The following ARHGAP15 variants were observed in gnomAD, a reference collection of about 807,000 sequenced individuals.
ARHGAP15 encodes the protein rho GTPase-activating protein 15.
A neutral mutation model predicts 63.7 loss-of-function variants in ARHGAP15; 51 were observed. The observed-to-expected ratio is 0.80, with a 90% CI of 0.64 to 1.01. The LOEUF is 1.01. Among genes scored for constraint, ARHGAP15 ranks in the 50% least tolerant of loss-of-function variants. The pLI is 0.00. For synonymous variants in ARHGAP15, 191 were observed against 193.8 expected (o/e 0.99, Z 0.12); for missense variants, 560 against 564.6 (o/e 0.99, Z 0.08).
intron 8 of ARHGAP15, chr2:143,472,104 G>A (rs1411071958): frequency 6.6e-6 from 1 of 152,034 alleles, no homozygotes; most frequent in Non-Finnish European, 1.5e-5. Flanking sequence ...ACAATTGTGT[G>A]TCCTAAGGCT....
At chr2:143,613,457 C>A (rs1183644029) in intron 11 of ARHGAP15, among the ~76,000 whole-genome samples, 1 of 152,136 alleles carries the variant, frequency 6.6e-6, no homozygotes, top group African/African-American at 2.4e-5. Flanking sequence ...CCAACATAAT[C>A]CAATTAACTG....
intron 6 of ARHGAP15, among the ~76,000 whole-genome samples, chr2:143,323,705 G>A (rs1416040856): frequency 1.3e-5 from 2 of 151,750 alleles, no homozygotes; most frequent in Non-Finnish European, 2.9e-5. Flanking sequence ...AGACCACGGT[G>A]AAACCCTGTC....
At chr2:143,476,559 C>T (rs1437964084) in intron 8 of ARHGAP15, among the ~76,000 whole-genome samples, 2 of 152,126 alleles carry the variant, frequency 1.3e-5, no homozygotes, top group East Asian at 1.9e-4. Context: ...AGAGCACTGA[C>T]CCAACATAAA....
rs575550723 is a variant in ARHGAP15 at position 143,666,827 on chromosome 2, C to T, written c.1139-36592C>T. Among the ~76,000 whole-genome samples the T allele has an allele frequency of 4.9e-3, 725 of 149,450 alleles. 33 individuals are homozygous for T. The highest frequency in any genetic ancestry group is 0.017 in the African/African-American group (678 of 39,048). On this transcript the variant is annotated intron_variant, in intron 12 of 13. Coordinates refer to ENST00000295095, the MANE Select transcript of ARHGAP15 (RefSeq NM_018460.4). ...AAAAAACACATGAAAAAATGCTCAT[C>T]ATCACTGGCCATCAGAGAAATGCAA...
chr2:143,470,519 TTTTG>T, intron 8 of ARHGAP15, among the ~76,000 whole-genome samples: 1 of 143,432 alleles, frequency 7.0e-6, no homozygotes, highest in East Asian at 2.1e-4. Context: ...CATAATATTC[TTTTG>T]TTTTATATAT....
chr2:143,758,678 A>C (rs1272941096), intron 13 of ARHGAP15, among the ~76,000 whole-genome samples: 1 of 152,164 alleles, frequency 6.6e-6, no homozygotes, highest in African/African-American at 2.4e-5. Flanking sequence ...AAAAAGAATA[A>C]TACCAAATTA....
intron 11 of ARHGAP15, among the ~76,000 whole-genome samples, chr2:143,586,922 C>G (rs1292952081): frequency 1.3e-5 from 2 of 151,816 alleles, no homozygotes; most frequent in Non-Finnish European, 2.9e-5. Flanking sequence ...TCTTTCTCTC[C>G]TCCTCCATCC....
At chr2:143,166,018 A>AG (rs1690508050) in intron 2 of ARHGAP15, among the ~76,000 whole-genome samples, 1 of 94,182 alleles carries the variant, frequency 1.1e-5, no homozygotes, top group African/African-American at 4.1e-5. Flanking sequence ...AGGAAGGAAA[A>AG]AAAGAAAGAA....
At chr2:143,422,094 C>A (rs1223143159) in intron 6 of ARHGAP15, among the ~76,000 whole-genome samples, 16 of 152,114 alleles carry the variant, frequency 1.1e-4, no homozygotes, top group Admixed American at 1.0e-3. Context: ...ATATAAGTCT[C>A]ATCTAATTAA....
intron 6 of ARHGAP15, among the ~76,000 whole-genome samples, chr2:143,318,831 A>G (rs564743946): frequency 1.4e-4 from 21 of 152,212 alleles, no homozygotes; most frequent in South Asian, 2.1e-4. Context: ...GACAACATTA[A>G]TGCTCAATAA....
chr2:143,194,504 T>G (rs192338595), intron 2 of ARHGAP15, among the ~76,000 whole-genome samples: 275 of 152,354 alleles, frequency 1.8e-3, no homozygotes, highest in South Asian at 8.9e-3. Flanking sequence ...ATGTCTATTT[T>G]GGCCCTGAGT....
At chr2:143,558,612 T>C (rs191764461) in intron 11 of ARHGAP15, among the ~76,000 whole-genome samples, 1 of 152,302 alleles carries the variant, frequency 6.6e-6, no homozygotes, top group East Asian at 1.9e-4. Flanking sequence ...CACAAATCTC[T>C]AAAAAGGTAG....
chr2:143,388,844 C>A (rs1687413925), intron 6 of ARHGAP15, among the ~76,000 whole-genome samples: 1 of 151,970 alleles, frequency 6.6e-6, no homozygotes, highest in Non-Finnish European at 1.5e-5. Flanking sequence ...TTTGTAAAAT[C>A]TTTTTAAAGG....
intron 13 of ARHGAP15, among the ~76,000 whole-genome samples, chr2:143,709,254 AG>A (rs1224602031): frequency 2.0e-5 from 3 of 152,192 alleles, no homozygotes; most frequent in East Asian, 1.9e-4. Flanking sequence ...CAAATTTGTG[AG>A]GGGGGTGTAA....
At chr2:143,163,525 A>T (rs894549546) in intron 2 of ARHGAP15, among the ~76,000 whole-genome samples, 8 of 151,968 alleles carry the variant, frequency 5.3e-5, no homozygotes, top group African/African-American at 1.9e-4. Flanking sequence ...ATATATATTT[A>T]CAAGCTGAAA....
chr2:143,211,943 T>A (rs1007199354), intron 3 of ARHGAP15, among the ~76,000 whole-genome samples: 1 of 152,140 alleles, frequency 6.6e-6, no homozygotes. Flanking sequence ...AGAGAAAACG[T>A]TATGAGGCAT....
At chr2:143,544,351 T>C (rs1574612545) in intron 10 of ARHGAP15, among the ~76,000 whole-genome samples, 1 of 152,192 alleles carries the variant, frequency 6.6e-6, no homozygotes, top group Non-Finnish European at 1.5e-5. Context: ...ATTTTTCAAG[T>C]GGATCTGTGG....
intron 12 of ARHGAP15, among the ~76,000 whole-genome samples, chr2:143,691,091 A>G (rs1277076772): frequency 1.3e-5 from 2 of 152,148 alleles, no homozygotes; most frequent in East Asian, 1.9e-4. Flanking sequence ...AAAGAAGGGA[A>G]AAAAAATGAA....
intron 6 of ARHGAP15, among the ~76,000 whole-genome samples, chr2:143,354,487 G>C (rs1685720881): frequency 6.6e-6 from 1 of 152,094 alleles, no homozygotes; most frequent in Non-Finnish European, 1.5e-5. Flanking sequence ...GAAGGCACCA[G>C]TTTAATGAGG....
Sources: allele counts gnomAD v4.1 joint callset (sites outside exome capture counted in the v4.1 genomes callset), GRCh38; gene constraint gnomAD v4.1.1; transcripts MANE v1.5; gene names NCBI Gene and HGNC (gene_info 2026-07-23, HGNC 2026-07-21).